CNTN5: variants seen among roughly 807,000 people sequenced by gnomAD.
CNTN5 encodes the protein contactin-5.
CNTN5 carries 77 observed loss-of-function variants against 129.1 expected under a neutral mutation model. That is an observed-to-expected ratio of 0.60 (90% CI 0.50 to 0.72). The LOEUF (loss-of-function observed/expected upper bound fraction) is 0.72, where lower values mean the gene tolerates loss of function less well. Ranked by LOEUF, CNTN5 falls within the 30% of genes least tolerant of loss-of-function variation. The pLI, the probability that CNTN5 is intolerant of heterozygous loss-of-function variation, is 0.00. For synonymous variants in CNTN5, 509 were observed against 465.6 expected (o/e 1.09, Z -1.20); for missense variants, 1,478 against 1,328.8 (o/e 1.11, Z -1.75).
At chr11:99,084,840 T>C (rs1215728369) in intron 1 of CNTN5, among the ~76,000 whole-genome samples, 1 of 152,202 alleles carries the variant, frequency 6.6e-6, no homozygotes, top group Admixed American at 6.5e-5. Flanking sequence ...TGCCAAAATA[T>C]TTTCAAATTT....
chr11:100,308,327 T>C (rs1951401789), intron 20 of CNTN5, 32 bp from the exon 21 acceptor site: 1 of 1,593,130 alleles, frequency 6.3e-7, no homozygotes, highest in Non-Finnish European at 8.5e-7. Context: ...ACATAAACTT[T>C]TTATAATTGT....
chr11:100,298,051 T>A (rs1951133568), intron 19 of CNTN5, among the ~76,000 whole-genome samples: 1 of 151,402 alleles, frequency 6.6e-6, no homozygotes, highest in South Asian at 2.1e-4. Context: ...AGAGTGGAGA[T>A]GAAGGGGGAG....
At chr11:100,054,076 G>T (rs751469586) in intron 9 of CNTN5, among the ~76,000 whole-genome samples, 2 of 151,732 alleles carry the variant, frequency 1.3e-5, no homozygotes, top group Admixed American at 6.6e-5. Context: ...ATTGGGAAGA[G>T]ATATGAGGAA....
intron 15 of CNTN5, among the ~76,000 whole-genome samples, chr11:100,205,668 CAAT>C (rs1219636592): frequency 2.6e-5 from 4 of 151,058 alleles, no homozygotes; most frequent in Non-Finnish European, 5.9e-5. Context: ...ACTTTAAAAT[CAAT>C]AAGAGCATAC....
At chr11:100,154,155 T>C (rs60437916) in intron 13 of CNTN5, among the ~76,000 whole-genome samples, 2,739 of 152,176 alleles carry the variant, frequency 0.018, 88 homozygotes, top group African/African-American at 0.06. Context: ...CCACTTTGTG[T>C]CCATGTGTTC....
At chr11:99,580,745 C>T (rs1198058931) in intron 3 of CNTN5, among the ~76,000 whole-genome samples, 9 of 142,890 alleles carry the variant, frequency 6.3e-5, no homozygotes, top group East Asian at 6.3e-4. Context: ...GTCTTGCTAA[C>T]GGTCTATCAA....
intron 1 of CNTN5, among the ~76,000 whole-genome samples, chr11:99,168,226 G>T (rs1361075019): frequency 6.6e-6 from 1 of 152,076 alleles, no homozygotes; most frequent in Non-Finnish European, 1.5e-5. Flanking sequence ...TTACAGGAGT[G>T]AGTCACCACA....
intron 6 of CNTN5, among the ~76,000 whole-genome samples, chr11:99,896,886 C>A (rs1949221163): frequency 6.6e-6 from 1 of 152,088 alleles, no homozygotes. Flanking sequence ...TAAGCTTTGA[C>A]CCAGAGCCCT....
rs576668169 is a variant in CNTN5 at position 100,100,365 on chromosome 11, A to G, written c.1580+26071A>G. 6.6e-5 allele frequency among the ~76,000 whole-genome samples: 10 copies of G among 152,210 alleles called. 1 individual carries two copies. In the East Asian group the frequency reaches 1.9e-3, roughly 29 times the overall value. ...TTTTATCATTTGCTCATATGTCTCT[A>G]TACACCCATTTATACTTCAGGGCCC... is the stretch of plus-strand genomic sequence containing the variant. On this transcript the variant is annotated intron_variant, in intron 13 of 24. Transcript: ENST00000524871.
chr11:99,224,297 G>A (rs1860560614), intron 1 of CNTN5, among the ~76,000 whole-genome samples: 1 of 152,118 alleles, frequency 6.6e-6, no homozygotes, highest in African/African-American at 2.4e-5. Context: ...ACAAGTGCAT[G>A]CAATGTAAGC....
At chr11:99,899,709 C>T (rs1365336953) in intron 6 of CNTN5, among the ~76,000 whole-genome samples, 1 of 151,852 alleles carries the variant, frequency 6.6e-6, no homozygotes, top group Non-Finnish European at 1.5e-5. Context: ...TTTTGTCCTT[C>T]CCTGATTTTG....
intron 2 of CNTN5, among the ~76,000 whole-genome samples, chr11:99,450,277 TATATATATG>T (rs1944247579): frequency 6.7e-6 from 1 of 150,266 alleles, no homozygotes; most frequent in South Asian, 2.1e-4. Context: ...TATATATATA[TATATATATG>T]TTTGTGTATG....
chr11:99,648,328 A>AG (rs1952039462), intron 3 of CNTN5, among the ~76,000 whole-genome samples: 1 of 151,584 alleles, frequency 6.6e-6, no homozygotes, highest in African/African-American at 2.4e-5. Flanking sequence ...GTTCAGCATT[A>AG]CTAATGATCA....
intron 2 of CNTN5, among the ~76,000 whole-genome samples, chr11:99,357,650 T>C (rs1163918667): frequency 6.6e-6 from 1 of 152,190 alleles, no homozygotes; most frequent in African/African-American, 2.4e-5. Context: ...ACAGTGAGTT[T>C]TGGCTCACTT....
intron 3 of CNTN5, among the ~76,000 whole-genome samples, chr11:99,710,901 T>C (rs914533860): frequency 5.3e-5 from 8 of 151,910 alleles, no homozygotes; most frequent in African/African-American, 1.9e-4. Flanking sequence ...AACTAAAAGA[T>C]AAGCAGGAAT....
chr11:99,740,736 A>G (rs149008669), intron 3 of CNTN5, among the ~76,000 whole-genome samples: 9 of 152,290 alleles, frequency 5.9e-5, no homozygotes, highest in African/African-American at 2.2e-4. Flanking sequence ...TATTTGCTGG[A>G]TATGCATGAA....
At chr11:99,902,447 T>C (rs1448961784) in intron 6 of CNTN5, among the ~76,000 whole-genome samples, 3 of 152,110 alleles carry the variant, frequency 2.0e-5, no homozygotes, top group African/African-American at 2.4e-5. Flanking sequence ...TGCCCTTCAG[T>C]AATGTGAGTA....
At chr11:99,999,314 A>G (rs1374248067) in intron 8 of CNTN5, among the ~76,000 whole-genome samples, 1 of 152,202 alleles carries the variant, frequency 6.6e-6, no homozygotes, top group African/African-American at 2.4e-5. Flanking sequence ...TTACAAGAAA[A>G]AAACAAAGAA....
At chr11:99,316,276 A>G (rs1865338035) in intron 1 of CNTN5, among the ~76,000 whole-genome samples, 1 of 152,202 alleles carries the variant, frequency 6.6e-6, no homozygotes, top group African/African-American at 2.4e-5. Flanking sequence ...TCAACATTCA[A>G]ATCCCTCGAG....
Sources: gnomAD v4.1 joint callset for allele counts (sites outside exome capture counted in the v4.1 genomes callset) on GRCh38, gnomAD v4.1.1 for gene constraint, MANE v1.5 for transcripts, NCBI Gene and HGNC (gene_info 2026-07-23, HGNC 2026-07-21) for gene names.